The following CNTN5 variants were observed in gnomAD, a reference collection of about 807,000 sequenced individuals.
CNTN5 encodes the protein contactin-5.
In CNTN5, 77 loss-of-function variants were observed where a neutral mutation model predicts 129.1. The observed-to-expected ratio is 0.60, with a 90% CI of 0.50 to 0.72. The LOEUF (loss-of-function observed/expected upper bound fraction) is 0.72. Among genes scored for constraint, CNTN5 ranks in the 30% least tolerant of loss-of-function variants. The pLI, the probability that CNTN5 is intolerant of heterozygous loss-of-function variation, is 0.00. For synonymous variants in CNTN5, 509 were observed against 465.6 expected, an observed-to-expected ratio of 1.09 and a Z score of -1.20; for missense variants, 1,478 against 1,328.8, an observed-to-expected ratio of 1.11 and a Z score of -1.75.
intron 17 of CNTN5, among the ~76,000 whole-genome samples, chr11:100,257,579 C>A (rs1360448767): frequency 6.6e-6 from 1 of 152,130 alleles, no homozygotes; most frequent in African/African-American, 2.4e-5. Flanking sequence ...TGGGACTAAG[C>A]TTCAAGGAGG....
intron 3 of CNTN5, among the ~76,000 whole-genome samples, chr11:99,677,866 C>T (rs1047002761): frequency 3.3e-5 from 5 of 152,008 alleles, no homozygotes; most frequent in African/African-American, 1.2e-4. Flanking sequence ...TCGCAATTAC[C>T]AAAAGCTTAC....
intron 15 of CNTN5, among the ~76,000 whole-genome samples, chr11:100,211,047 C>T (rs967272325): frequency 4.6e-5 from 7 of 152,054 alleles, no homozygotes; most frequent in South Asian, 4.2e-4. Flanking sequence ...GCATAAAGCT[C>T]GAATCAAACC....
At chr11:100,312,101 A>G (rs1431460143) in intron 21 of CNTN5, among the ~76,000 whole-genome samples, 2 of 152,094 alleles carry the variant, frequency 1.3e-5, no homozygotes, top group Non-Finnish European at 2.9e-5. Context: ...TTCATAGCGC[A>G]TTATAAATTG....
At chr11:100,233,242 G>A (rs1458574245) in intron 16 of CNTN5, among the ~76,000 whole-genome samples, 3 of 150,872 alleles carry the variant, frequency 2.0e-5, no homozygotes, top group Non-Finnish European at 4.4e-5. Flanking sequence ...GTTTGTGGAA[G>A]GGAAGAAAAA....
Position 99,819,702 on chromosome 11 carries a change from G to A in CNTN5, c.214G>A (p.Ala72Thr), listed in dbSNP as rs200572550. 50 of 1,612,584 alleles carry A rather than the reference G, an allele frequency of 3.1e-5. No homozygotes were observed. The African/African-American group carries it at 4.9e-4, about 16-fold the overall frequency. ...LSASSPSWLG[A>T]AQNYYSPINL... Reference sequence around the variant, plus strand: ...TGCTTCTTCACCCAGCTGGCTAGGGGCAGCTCAGAATTATTATTCCCCCAT... The same window carrying A: ...TGCTTCTTCACCCAGCTGGCTAGGGACAGCTCAGAATTATTATTCCCCCAT... The change falls in exon 4 of 25, where the codon GCA becomes ACA. Residue 72 changes from alanine (A) to threonine (T), a missense_variant. Coordinates refer to ENST00000524871, the MANE Select transcript of CNTN5 (RefSeq NM_014361.4).
intron 3 of CNTN5, among the ~76,000 whole-genome samples, chr11:99,638,801 C>T (rs1951660710): frequency 6.6e-6 from 1 of 152,140 alleles, no homozygotes; most frequent in African/African-American, 2.4e-5. Flanking sequence ...CAGGGTACAG[C>T]CTCCCTCCCA....
intron 13 of CNTN5, among the ~76,000 whole-genome samples, chr11:100,168,710 G>C (rs1411850918): frequency 6.6e-6 from 1 of 151,980 alleles, no homozygotes; most frequent in Non-Finnish European, 1.5e-5. Flanking sequence ...GCCCTTGGAT[G>C]AAGGAGTAAT....
chr11:99,155,288 TA>T (rs2135499084), intron 1 of CNTN5, among the ~76,000 whole-genome samples: 1 of 152,326 alleles, frequency 6.6e-6, no homozygotes, highest in African/African-American at 2.4e-5. Context: ...AAAACATTTT[TA>T]AAAATCTAGT....
At chr11:99,027,742 G>A (rs1863166649) in intron 1 of CNTN5, among the ~76,000 whole-genome samples, 1 of 151,608 alleles carries the variant, frequency 6.6e-6, no homozygotes, top group Non-Finnish European at 1.5e-5. Context: ...TGAATTTCTG[G>A]TATTACATTG....
At chr11:99,711,098 G>A (rs533002224) in intron 3 of CNTN5, among the ~76,000 whole-genome samples, 3 of 151,814 alleles carry the variant, frequency 2.0e-5, no homozygotes, top group East Asian at 2.0e-4. Context: ...TAAATTTCCC[G>A]ACAGAATCGT....
At chr11:100,319,294 A>C (rs1414773479) in intron 21 of CNTN5, among the ~76,000 whole-genome samples, 1 of 151,868 alleles carries the variant, frequency 6.6e-6, no homozygotes, top group Non-Finnish European at 1.5e-5. Flanking sequence ...CTGGGATTAC[A>C]GGCACGCACC....
chr11:99,299,281 T>G (rs577130420), intron 1 of CNTN5, among the ~76,000 whole-genome samples: 1 of 152,244 alleles, frequency 6.6e-6, no homozygotes, highest in Non-Finnish European at 1.5e-5. Context: ...AAAGAAATTA[T>G]GTATTATGAA....
chr11:99,346,232 T>G (rs2136069281), intron 2 of CNTN5, among the ~76,000 whole-genome samples: 1 of 152,352 alleles, frequency 6.6e-6, no homozygotes, highest in Admixed American at 6.5e-5. Context: ...AGGCAAGCAA[T>G]AATTCTGCTT....
chr11:99,683,611 T>G (rs1385787770), intron 3 of CNTN5, among the ~76,000 whole-genome samples: 2 of 151,888 alleles, frequency 1.3e-5, no homozygotes, highest in African/African-American at 4.8e-5. Context: ...TTGCCTGATC[T>G]GGGTAATTTG....
chr11:99,641,044 G>A (rs1418553283), intron 3 of CNTN5, among the ~76,000 whole-genome samples: 1 of 152,190 alleles, frequency 6.6e-6, no homozygotes, highest in African/African-American at 2.4e-5. Flanking sequence ...GACATGAAAT[G>A]TAATGAGTTA....
In CNTN5 at chr11:100,221,464, G is replaced by A. The variant is rs186923847; in HGVS notation, c.1885-3228G>A. ...GATGAGCAGGATACTTAGTCAAAAT[G>A]CGAGCTAAGAAAGAATTCGACTTGG... On this transcript the variant is annotated intron_variant, in intron 15 of 24. Transcript: ENST00000524871. Among the ~76,000 whole-genome samples the A allele has an allele frequency of 2.7e-3, 406 of 152,304 alleles. 7 individuals are homozygous for A. The highest frequency in any genetic ancestry group is 9.4e-3 in the African/African-American group (389 of 41,572).
chr11:100,338,799 C>A (rs968089671), intron 21 of CNTN5, among the ~76,000 whole-genome samples: 2 of 151,624 alleles, frequency 1.3e-5, no homozygotes, highest in African/African-American at 4.8e-5. Context: ...GTGCTAGGTG[C>A]CTGTGACCCC....
intron 15 of CNTN5, among the ~76,000 whole-genome samples, chr11:100,209,423 A>G (rs1192754502): frequency 1.3e-5 from 2 of 152,240 alleles, no homozygotes; most frequent in Non-Finnish European, 2.9e-5. Flanking sequence ...TCAGCCAGAC[A>G]AAGCACTTAA....
intron 3 of CNTN5, among the ~76,000 whole-genome samples, chr11:99,629,683 TC>T (rs1951267886): frequency 4.0e-5 from 1 of 24,744 alleles, no homozygotes; most frequent in Non-Finnish European, 1.4e-4. Flanking sequence ...TTCTTACTAC[TC>T]GATGTTTATG....
Sources: gnomAD v4.1 joint callset for allele counts (sites outside exome capture counted in the v4.1 genomes callset) on GRCh38, gnomAD v4.1.1 for gene constraint, MANE v1.5 for transcripts, NCBI Gene and HGNC (gene_info 2026-07-23, HGNC 2026-07-21) for gene names.